Variants in WDFY4 observed in about 807,000 individuals in gnomAD.
WDFY4 encodes WDFY family member 4.
Under a neutral mutation model 351.9 loss-of-function variants are expected in WDFY4, and 169 were observed. The ratio of observed to expected loss-of-function variants is 0.48; its 90% CI spans 0.42 to 0.55. The LOEUF (loss-of-function observed/expected upper bound fraction) is 0.55. Ranked by LOEUF, WDFY4 falls within the 20% of genes least tolerant of loss-of-function variation. The pLI, the probability that WDFY4 is intolerant of heterozygous loss-of-function variation, is 0.00. For synonymous variants in WDFY4, 1,622 were observed against 1,574.6 expected (o/e 1.03, Z -0.71); for missense variants, 3,803 against 3,935.6 (o/e 0.97, Z 0.90).
At chr10:48,787,005 C>T in intron 20 of WDFY4, 135 bp downstream of exon 20, 1 of 708,260 alleles carries the variant, frequency 1.4e-6, no homozygotes, top group South Asian at 2.0e-5. Context: ...GTAATTGTAT[C>T]ATTATATATT....
intron 39 of WDFY4, among the ~76,000 whole-genome samples, chr10:48,834,568 G>A (rs1416933428): frequency 6.6e-6 from 1 of 152,186 alleles, no homozygotes; most frequent in African/African-American, 2.4e-5. Context: ...CTAAAACTTG[G>A]AGCATTCCCA....
intron 23 of WDFY4, among the ~76,000 whole-genome samples, chr10:48,793,146 AG>A (rs2066738593): frequency 6.6e-6 from 1 of 152,224 alleles, no homozygotes; most frequent in Non-Finnish European, 1.5e-5. Context: ...TCCTAAGACC[AG>A]GCACTGTGCT....
intron 1 of WDFY4, among the ~76,000 whole-genome samples, chr10:48,703,696 A>C (rs898188898): frequency 3.3e-5 from 5 of 152,154 alleles, no homozygotes; most frequent in East Asian, 1.9e-4. Flanking sequence ...CAACTCTGCA[A>C]ATCACTCAAT....
intron 25 of WDFY4, chr10:48,804,736 G>A: frequency 3.0e-6 from 3 of 984,874 alleles, no homozygotes; most frequent in Non-Finnish European, 3.6e-6. Flanking sequence ...CTTTGGGGGA[G>A]TAGAATTTAC....
chr10:48,724,687 G>A (rs1413124975), intron 5 of WDFY4, among the ~76,000 whole-genome samples: 2 of 152,090 alleles, frequency 1.3e-5, no homozygotes, highest in East Asian at 3.9e-4. Flanking sequence ...AATATACAGA[G>A]CCCCTACTGT....
intron 47 of WDFY4, among the ~76,000 whole-genome samples, chr10:48,919,800 G>A (rs1838886310): frequency 6.6e-6 from 1 of 152,132 alleles, no homozygotes; most frequent in Non-Finnish European, 1.5e-5. Flanking sequence ...TTTCAATACA[G>A]ATTTTTGGGG....
At chr10:48,700,625 C>T (rs1013167257) in intron 1 of WDFY4, among the ~76,000 whole-genome samples, 47 of 152,254 alleles carry the variant, frequency 3.1e-4, no homozygotes, top group African/African-American at 1.0e-3. Flanking sequence ...TGCGTGAGCA[C>T]GCCCAGGGAT....
intron 31 of WDFY4, among the ~76,000 whole-genome samples, chr10:48,815,743 T>C (rs2067598001): frequency 6.6e-6 from 1 of 152,178 alleles, no homozygotes; most frequent in African/African-American, 2.4e-5. Context: ...GCTTTTTTTT[T>C]TTCTTTTAGC....
At chr10:48,788,800 G>A (rs574288717) in intron 21 of WDFY4, 125 bp downstream of exon 21, 2 of 1,259,880 alleles carry the variant, frequency 1.6e-6, no homozygotes, top group South Asian at 3.6e-5. Context: ...ACAAATACAT[G>A]TTTCCCACTT....
Position 48,709,868 on chromosome 10 carries a change from A to G in WDFY4, c.136A>G (p.Met46Val). The G allele has an allele frequency of 6.4e-7, 1 of 1,551,972 alleles. No homozygotes were observed. Among genetic ancestry groups the G allele is most frequent in the Non-Finnish European group, 8.7e-7 (1 of 1,147,056 alleles). The change falls in exon 2 of 62, where the codon ATG becomes GTG. Residue 46 changes from methionine to valine, a missense_variant. Physicochemically the swap from Met to Val is conservative, Grantham distance 21 (BLOSUM62 1). Transcript: ENST00000325239. ...CTCCAGCCCCACAGCTCTCTGGGACATGCTGGAAAGGAAGTTTCTGGAATA... is the reference window on the plus strand; with the variant it reads ...CTCCAGCCCCACAGCTCTCTGGGACGTGCTGGAAAGGAAGTTTCTGGAATA... ...QSSSPTALWD[M>V]LERKFLEYQQ...
rs372177998 is a variant in WDFY4 at position 48,729,813 on chromosome 10, T to C, written c.1129+224T>C. ...AAATAACGGAGGCAGCCTCTACTTC[T>C]CTCCCTCACCCCTGGGGTGATTTAC... On this transcript the variant is annotated intron_variant, in intron 8 of 61. Transcript: ENST00000325239. 4.6e-5 allele frequency among the ~76,000 whole-genome samples: 7 copies of C among 152,314 alleles called. 1 individual carries two copies. The highest frequency in any genetic ancestry group is 1.7e-4 in the African/African-American group (7 of 41,566).
At position 48,743,099 on chromosome 10, in the gene WDFY4, A is replaced by G. The variant is rs757549773; in HGVS notation, c.2010A>G (p.Gly670=). ...AGGAGCCCCCGCTGCAGGCATGGGG[A>G]GCAGTATCCCCCAGACAGACCCTGG... is the stretch of plus-strand genomic sequence containing the variant. ...SLQEPPLQAW[G]AVSPRQTLEL... The change falls in exon 12 of 62, where the codon GGA becomes GGG. Residue 670 remains glycine, a synonymous_variant. Transcript: ENST00000325239. The G allele has an allele frequency of 1.0e-5, 16 of 1,551,604 alleles. No individual in the cohort carries two copies. The highest frequency in any genetic ancestry group is 1.3e-5 in the Non-Finnish European group (15 of 1,146,996).
intron 53 of WDFY4, among the ~76,000 whole-genome samples, chr10:48,961,549 G>A (rs895470909): frequency 6.6e-6 from 1 of 152,224 alleles, no homozygotes; most frequent in African/African-American, 2.4e-5. Flanking sequence ...AGATGAGGCA[G>A]TTATGGATAC....
At chr10:48,745,118 A>C (rs1199003864) in intron 12 of WDFY4, among the ~76,000 whole-genome samples, 1 of 152,088 alleles carries the variant, frequency 6.6e-6, no homozygotes, top group Non-Finnish European at 1.5e-5. Flanking sequence ...ATTTCTCTGT[A>C]ATTTGTAAGT....
chr10:48,851,266 A>G (rs2068948914), intron 39 of WDFY4, among the ~76,000 whole-genome samples: 1 of 152,192 alleles, frequency 6.6e-6, no homozygotes, highest in Non-Finnish European at 1.5e-5. Context: ...ATTTGTGCTG[A>G]CTGCATAGCA....
At chr10:48,787,710 C>T (rs934809563) in intron 20 of WDFY4, among the ~76,000 whole-genome samples, 10 of 152,102 alleles carry the variant, frequency 6.6e-5, no homozygotes, top group Admixed American at 2.0e-4. Flanking sequence ...CTGGTAGTTT[C>T]GCACCTGGAG....
intron 47 of WDFY4, among the ~76,000 whole-genome samples, chr10:48,911,699 G>A (rs1413589611): frequency 6.6e-6 from 1 of 152,140 alleles, no homozygotes. Context: ...AACTAGTAAG[G>A]AACTCTGCCA....
At chr10:48,862,230 G>A (rs1483924320) in intron 39 of WDFY4, among the ~76,000 whole-genome samples, 2 of 152,126 alleles carry the variant, frequency 1.3e-5, no homozygotes, top group Admixed American at 6.6e-5. Flanking sequence ...GTGAGTCTAT[G>A]TTATGAGACT....
intron 60 of WDFY4, 107 bp downstream of exon 60, chr10:48,978,500 G>GA: frequency 9.6e-7 from 1 of 1,041,024 alleles, no homozygotes; most frequent in Non-Finnish European, 1.3e-6. Flanking sequence ...GGTCTGCCCA[G>GA]CCTAGGGAGG....
Sources: gnomAD v4.1 joint callset for allele counts (sites outside exome capture counted in the v4.1 genomes callset) on GRCh38, gnomAD v4.1.1 for gene constraint, MANE v1.5 for transcripts, NCBI Gene and HGNC (gene_info 2026-07-23, HGNC 2026-07-21) for gene names.